The following DNAH7 variants were observed in gnomAD, a reference collection of about 807,000 sequenced individuals.
DNAH7 encodes the protein dynein axonemal heavy chain 7.
A neutral mutation model predicts 444.6 loss-of-function variants in DNAH7; 397 were observed. That is an observed-to-expected ratio of 0.89 (90% CI 0.82 to 0.97). The LOEUF is 0.97. Ranked by LOEUF, DNAH7 falls within the 50% of genes least tolerant of loss-of-function variation. The pLI, the probability that DNAH7 is intolerant of heterozygous loss-of-function variation, is 0.00. For synonymous variants in DNAH7, 1,636 were observed against 1,624.4 expected (o/e 1.01, Z -0.17); for missense variants, 4,902 against 4,800.8 (o/e 1.02, Z -0.62).
In DNAH7 at chr2:195,936,538, T is replaced by A. The variant is rs1689063598; in HGVS notation, c.3272+61A>T. Reference sequence around the variant, plus strand: ...TTATATATATTTATGTTCTACTTTGTTCTAAAAATTAAGTTTAAGCAGATA... The same window carrying A: ...TTATATATATTTATGTTCTACTTTGATCTAAAAATTAAGTTTAAGCAGATA... On this transcript the variant is annotated intron_variant, in intron 20 of 64. Transcript: ENST00000312428. The A allele has an allele frequency of 4.3e-6, 5 of 1,164,408 alleles. No individual in the cohort carries two copies. The Admixed American group carries it at 1.0e-4, about 24-fold the overall frequency. 72.1% of individuals were successfully genotyped at this position (1,164,408 alleles called of 1,614,324 possible). A position where few individuals can be genotyped will look rare whatever the true frequency, so the allele number is the denominator to read the frequency against.
chr2:195,766,470 T>G (rs1694594603), intron 61 of DNAH7, among the ~76,000 whole-genome samples: 1 of 151,960 alleles, frequency 6.6e-6, no homozygotes, highest in Non-Finnish European at 1.5e-5. Flanking sequence ...GCACAGGCCA[T>G]GGAAGCTAAA....
rs376463489 is a variant in DNAH7 at position 196,004,608 on chromosome 2, A to T, written c.990-2750T>A. On this transcript the variant is annotated intron_variant, in intron 10 of 64. Coordinates refer to ENST00000312428, the MANE Select transcript of DNAH7 (RefSeq NM_018897.3). ...TAGCATAACTCAGGGAATGCAGCAA[A>T]ATCAGTGATTAGAGGGAAATTTTTA... Among the ~76,000 whole-genome samples the T allele has an allele frequency of 1.2e-4, 18 of 152,250 alleles. No homozygotes were observed. The East Asian group carries it at 3.5e-3, about 29-fold the overall frequency.
At position 195,771,668 on chromosome 2, in the gene DNAH7, CT is replaced by C; in HGVS notation, c.11424del (p.Ala3809GlnfsTer20). 6.2e-7 allele frequency: 1 copy of C among 1,611,762 alleles called. No individual in the cohort carries two copies. Among genetic ancestry groups the C allele is most frequent in the Non-Finnish European group, 8.5e-7 (1 of 1,178,026 alleles). The part of the protein sequence containing the change: ...TIRDSCVNIQ[K>X]AIKGLAVMST... The stretch of plus-strand genomic sequence containing the variant: ...GGTGTTTTTCACCTTACCTTGATTG[CT>C]TTTTGAATATTTACGCACGAATCTC... On this transcript the variant is annotated frameshift_variant, in exon 61 of 65. Coordinates refer to ENST00000312428, the MANE Select transcript of DNAH7 (RefSeq NM_018897.3). LOFTEE classifies it high-confidence loss of function.
At chr2:195,876,763 A>G in intron 36 of DNAH7, 64 bp from the exon 37 acceptor site, 1 of 1,146,516 alleles carries the variant, frequency 8.7e-7, no homozygotes, top group Non-Finnish European at 1.3e-6. Context: ...CAGAATAAAC[A>G]CTAAGCATCA....
intron 63 of DNAH7, among the ~76,000 whole-genome samples, chr2:195,747,350 C>T (rs1334605324): frequency 2.0e-5 from 3 of 152,158 alleles, no homozygotes; most frequent in Non-Finnish European, 4.4e-5. Context: ...TAATCAATAG[C>T]TTACCAACCA....
chr2:196,051,973 A>C (rs999541822), intron 2 of DNAH7, among the ~76,000 whole-genome samples: 4 of 152,170 alleles, frequency 2.6e-5, no homozygotes, highest in Non-Finnish European at 5.9e-5. Flanking sequence ...GTCTGTACGT[A>C]AGTCCTGGAT....
At chr2:195,966,081 G>T (rs1477872540) in intron 17 of DNAH7, among the ~76,000 whole-genome samples, 1 of 151,404 alleles carries the variant, frequency 6.6e-6, no homozygotes, top group Non-Finnish European at 1.5e-5. Context: ...TTTGGTGTAG[G>T]TACCTATAGC....
chr2:195,957,871 G>A (rs766900596), intron 18 of DNAH7, among the ~76,000 whole-genome samples: 46 of 151,926 alleles, frequency 3.0e-4, no homozygotes, highest in Non-Finnish European at 5.9e-4. Context: ...CTAGTTCCAT[G>A]GCTAGAGAGT....
intron 44 of DNAH7, 60 bp from the exon 45 acceptor site, chr2:195,856,051 C>T (rs942694110): frequency 2.7e-6 from 4 of 1,487,580 alleles, no homozygotes; most frequent in African/African-American, 2.8e-5. Flanking sequence ...CACTTTCTAT[C>T]ACTGAATTTA....
At chr2:195,868,092 T>TG (rs1402702584) in intron 40 of DNAH7, among the ~76,000 whole-genome samples, 1 of 137,306 alleles carries the variant, frequency 7.3e-6, no homozygotes, top group Non-Finnish European at 1.6e-5. Flanking sequence ...TATTCATCTT[T>TG]TTTTTTTTTT....
At chr2:196,024,336 A>T (rs1040623128) in intron 8 of DNAH7, 93 bp downstream of exon 8, 1 of 780,514 alleles carries the variant, frequency 1.3e-6, no homozygotes, top group Non-Finnish European at 1.9e-6. Context: ...TATATAAATT[A>T]TAAACATACA....
At chr2:195,954,750 G>A (rs1483915927) in intron 19 of DNAH7, among the ~76,000 whole-genome samples, 1 of 152,176 alleles carries the variant, frequency 6.6e-6, no homozygotes, top group Non-Finnish European at 1.5e-5. Flanking sequence ...TCTCATTGTG[G>A]TTTTGATTTG....
intron 49 of DNAH7, among the ~76,000 whole-genome samples, chr2:195,819,335 C>G (rs950721335): frequency 6.6e-6 from 1 of 152,188 alleles, no homozygotes; most frequent in Non-Finnish European, 1.5e-5. Flanking sequence ...AACTTTAGCA[C>G]AGGGGTCGTC....
At chr2:195,762,852 C>T (rs920221416) in intron 61 of DNAH7, among the ~76,000 whole-genome samples, 2 of 152,052 alleles carry the variant, frequency 1.3e-5, no homozygotes, top group Non-Finnish European at 2.9e-5. Flanking sequence ...AAACATCAGA[C>T]TTAAACTGCA....
chr2:195,797,742 A>G (rs553667621), intron 55 of DNAH7, among the ~76,000 whole-genome samples: 11 of 152,296 alleles, frequency 7.2e-5, no homozygotes, highest in African/African-American at 1.9e-4. Context: ...TCCAACTAGG[A>G]TGAACTTTAT....
At chr2:195,975,108 A>C (rs1172061120) in intron 15 of DNAH7, among the ~76,000 whole-genome samples, 1 of 152,186 alleles carries the variant, frequency 6.6e-6, no homozygotes, top group African/African-American at 2.4e-5. Flanking sequence ...TTTAACAACC[A>C]TCTAAACCCA....
At chr2:195,849,763 G>A (rs1323953413) in intron 46 of DNAH7, among the ~76,000 whole-genome samples, 5 of 152,038 alleles carry the variant, frequency 3.3e-5, no homozygotes, top group South Asian at 2.1e-4. Context: ...CACCATGCCC[G>A]GATAATTTTT....
At chr2:195,857,325 C>G in intron 44 of DNAH7, 52 bp downstream of exon 44, 1 of 1,407,266 alleles carries the variant, frequency 7.1e-7, no homozygotes, top group Non-Finnish European at 9.6e-7. Flanking sequence ...TTCTAACTGA[C>G]CAGAAGTGAA....
chr2:196,061,729 A>G (rs1331966023), intron 1 of DNAH7, among the ~76,000 whole-genome samples: 1 of 152,218 alleles, frequency 6.6e-6, no homozygotes, highest in Non-Finnish European at 1.5e-5. Context: ...AGAAAAAGAA[A>G]GAATGGGGGA....
Sources: gnomAD v4.1 joint callset for allele counts (sites outside exome capture counted in the v4.1 genomes callset) on GRCh38, gnomAD v4.1.1 for gene constraint, MANE v1.5 for transcripts, NCBI Gene and HGNC (gene_info 2026-07-23, HGNC 2026-07-21) for gene names.